The following PBX4 variants were observed in gnomAD, a reference collection of about 807,000 sequenced individuals.
PBX4 encodes the protein PBX homeobox 4.
In PBX4, 26 loss-of-function variants were observed where a neutral mutation model predicts 35.1. The observed-to-expected ratio is 0.74, with a 90% CI of 0.54 to 1.03. PBX4 has a LOEUF of 1.03. Among genes scored for constraint, PBX4 ranks in the 50% least tolerant of loss-of-function variants. The pLI, the probability that PBX4 is intolerant of heterozygous loss-of-function variation, is 0.00. For missense variants in PBX4, 448 were observed against 504.3 expected (o/e 0.89, Z 1.07); for synonymous variants, 199 against 204.2 (o/e 0.97, Z 0.22).
At chr19:19,615,235 T>C (rs781705554) in intron 1 of PBX4, among the ~76,000 whole-genome samples, 79 of 147,334 alleles carry the variant, frequency 5.4e-4, no homozygotes, top group Non-Finnish European at 9.1e-4. Flanking sequence ...TGGTCCTAGC[T>C]ACTCAAGAAG....
At chr19:19,572,409 G>A (rs1354155670) in intron 2 of PBX4, among the ~76,000 whole-genome samples, 3 of 151,980 alleles carry the variant, frequency 2.0e-5, no homozygotes, top group Admixed American at 6.6e-5. Flanking sequence ...GCTACTTACC[G>A]AATTAGTGCT....
At chr19:19,611,627 C>T (rs993467902) in intron 1 of PBX4, among the ~76,000 whole-genome samples, 10 of 140,532 alleles carry the variant, frequency 7.1e-5, no homozygotes, top group Non-Finnish European at 1.2e-4. Context: ...TGCAGTGAGC[C>T]GAGATCATGC....
Position 19,599,330 on chromosome 19 carries a change from G to A in PBX4, c.155C>T (p.Ala52Val). The A allele has an allele frequency of 6.2e-7, 1 of 1,613,476 alleles. No homozygotes were observed. Among genetic ancestry groups the A allele is most frequent in the Non-Finnish European group, 8.5e-7 (1 of 1,179,600 alleles). The change falls in exon 2 of 8, where the codon GCT becomes GTT. Residue 52 changes from alanine (A) to valine (V), a missense_variant. Physicochemically the swap from Ala to Val is moderately conservative, Grantham distance 64 (BLOSUM62 0). Coordinates refer to ENST00000251203, the MANE Select transcript of PBX4 (RefSeq NM_025245.3). ...GATCTCACAGAGCACGCTGAACAGA[G>A]CAGGCTTCATCCGATGGCAATTCAG... is the stretch of plus-strand genomic sequence containing the variant. The part of the protein sequence containing the change: ...HALNCHRMKP[A>V]LFSVLCEIKE...
chr19:19,584,509 G>A (rs916515082), intron 2 of PBX4, among the ~76,000 whole-genome samples: 1 of 152,102 alleles, frequency 6.6e-6, no homozygotes, highest in African/African-American at 2.4e-5. Flanking sequence ...AGGCTGAAGG[G>A]TGTCCCTACA....
intron 1 of PBX4, among the ~76,000 whole-genome samples, chr19:19,604,694 A>C (rs2061619278): frequency 6.6e-6 from 1 of 151,990 alleles, no homozygotes; most frequent in Non-Finnish European, 1.5e-5. Context: ...TCCACCTCCC[A>C]GGTTCAAGTG....
At chr19:19,564,354 G>A (rs75737646) in intron 6 of PBX4, among the ~76,000 whole-genome samples, 1 of 151,530 alleles carries the variant, frequency 6.6e-6, no homozygotes, top group Non-Finnish European at 1.5e-5. Flanking sequence ...AGTATTCCAT[G>A]GTGTATATGT....
intron 2 of PBX4, among the ~76,000 whole-genome samples, chr19:19,595,302 AG>A (rs1480090074): frequency 1.3e-5 from 2 of 152,134 alleles, no homozygotes; most frequent in Non-Finnish European, 2.9e-5. Context: ...CAGTGTCTCC[AG>A]GGGGTGGATA....
intron 2 of PBX4, among the ~76,000 whole-genome samples, chr19:19,588,610 A>G (rs896079386): frequency 1.3e-5 from 2 of 152,180 alleles, no homozygotes; most frequent in African/African-American, 4.8e-5. Flanking sequence ...CTAATTTCAA[A>G]CAACAACAAA....
intron 1 of PBX4, among the ~76,000 whole-genome samples, chr19:19,610,921 A>G (rs1599383084): frequency 6.6e-6 from 1 of 152,164 alleles, no homozygotes; most frequent in East Asian, 1.9e-4. Context: ...GGGATACTGA[A>G]AAAGAAAATT....
chr19:19,575,694 C>G (rs1187961930), intron 2 of PBX4, among the ~76,000 whole-genome samples: 2 of 152,196 alleles, frequency 1.3e-5, no homozygotes, highest in Non-Finnish European at 2.9e-5. Flanking sequence ...CATCATGCTG[C>G]TCTTTTGTTC....
chr19:19,572,221 C>A (rs965025341), intron 2 of PBX4, among the ~76,000 whole-genome samples: 7 of 151,140 alleles, frequency 4.6e-5, no homozygotes, highest in Admixed American at 2.0e-4. Context: ...ACTACACATG[C>A]GTGCCGCCAT....
intron 2 of PBX4, among the ~76,000 whole-genome samples, chr19:19,574,627 C>T (rs1234410306): frequency 6.6e-6 from 1 of 151,430 alleles, no homozygotes; most frequent in Non-Finnish European, 1.5e-5. Flanking sequence ...GCCCAATTTT[C>T]CTTTTTTTTT....
chr19:19,588,688 C>T (rs995243905), intron 2 of PBX4, among the ~76,000 whole-genome samples: 1 of 152,136 alleles, frequency 6.6e-6, no homozygotes, highest in Non-Finnish European at 1.5e-5. Context: ...GGTGTGGTGC[C>T]TCTTTGGCTG....
chr19:19,587,543 G>A (rs994133999), intron 2 of PBX4, among the ~76,000 whole-genome samples: 12 of 144,752 alleles, frequency 8.3e-5, no homozygotes, highest in African/African-American at 3.1e-4. Flanking sequence ...AGCCAAGATC[G>A]AGCCATTGCA....
intron 1 of PBX4, among the ~76,000 whole-genome samples, chr19:19,612,448 G>T (rs1303773119): frequency 1.3e-5 from 2 of 152,138 alleles, no homozygotes; most frequent in Non-Finnish European, 2.9e-5. Context: ...GATAAAAGGG[G>T]TGACTGGCAC....
chr19:19,576,998 C>G (rs150133527), intron 2 of PBX4, among the ~76,000 whole-genome samples: 2 of 152,006 alleles, frequency 1.3e-5, no homozygotes, highest in Non-Finnish European at 2.9e-5. Flanking sequence ...GAGGCTGAGG[C>G]GGGCGAATCA....
chr19:19,572,851 T>A, intron 2 of PBX4, among the ~76,000 whole-genome samples: 1 of 111,528 alleles, frequency 9.0e-6, no homozygotes, highest in African/African-American at 3.4e-5. Flanking sequence ...CGAGACTCCG[T>A]CTCAAAAAAA....
chr19:19,609,409 C>A (rs1024693971), intron 1 of PBX4, among the ~76,000 whole-genome samples: 5 of 151,948 alleles, frequency 3.3e-5, no homozygotes, highest in African/African-American at 2.4e-5. Flanking sequence ...ATTAGCCAGG[C>A]GTGGTGGTGC....
rs561487445 is a variant in PBX4 at position 19,588,820 on chromosome 19, TC to T, written c.193+10471del. ...TGCCCTGACTACTCTAAAAAGAATTTCCCAAGGAACTGATCTATCAATAAGT... is the reference window on the plus strand; with the variant it reads ...TGCCCTGACTACTCTAAAAAGAATTTCCAAGGAACTGATCTATCAATAAGT... On this transcript the variant is annotated intron_variant, in intron 2 of 7. Transcript: ENST00000251203. Among the ~76,000 whole-genome samples, 10 of 152,246 alleles carry T rather than the reference TC, an allele frequency of 6.6e-5. No individual in the cohort carries two copies. The South Asian group carries it at 2.1e-3, about 32-fold the overall frequency.
Sources: allele counts gnomAD v4.1 joint callset (sites outside exome capture counted in the v4.1 genomes callset), GRCh38; gene constraint gnomAD v4.1.1; transcripts MANE v1.5; gene names NCBI Gene and HGNC (gene_info 2026-07-23, HGNC 2026-07-21).